MTA3: variants seen among roughly 807,000 people sequenced by gnomAD.
The protein encoded by MTA3 is metastasis-associated protein MTA3.
In MTA3, 34 loss-of-function variants were observed where a neutral mutation model predicts 83.5. The observed-to-expected ratio is 0.41, with a 90% CI of 0.31 to 0.54. The LOEUF is 0.54. Ranked by LOEUF, MTA3 falls within the 20% of genes least tolerant of loss-of-function variation. The pLI is 0.33. For missense variants in MTA3, 761 were observed against 726.4 expected, an observed-to-expected ratio of 1.05 and a Z score of -0.55; for synonymous variants, 303 against 252.7, an observed-to-expected ratio of 1.20 and a Z score of -1.89.
chr2:42,631,690 A>G (rs1686689589), intron 4 of MTA3, among the ~76,000 whole-genome samples: 1 of 152,048 alleles, frequency 6.6e-6, no homozygotes, highest in African/African-American at 2.4e-5. Flanking sequence ...TTGTATTATT[A>G]TTTTATTATT....
intron 2 of MTA3, among the ~76,000 whole-genome samples, chr2:42,549,176 A>AATAT (rs1339401021): frequency 7.2e-6 from 1 of 138,076 alleles, no homozygotes; most frequent in Admixed American, 8.6e-5. Context: ...TCCATCTTAA[A>AATAT]ATATATATAT....
At chr2:42,600,166 C>G (rs1171228177) in intron 3 of MTA3, among the ~76,000 whole-genome samples, 4 of 152,050 alleles carry the variant, frequency 2.6e-5, no homozygotes, top group Non-Finnish European at 4.4e-5. Context: ...CCACTGCACT[C>G]CAGCCTGGGC....
rs576316531 is a variant in MTA3 at position 42,616,859 on chromosome 2, A to AC, written c.317+7276dup. ...CTTGGCCTCCCAAAGTGTTGGGATT[A>AC]CAGGCGTGAGCCATCGTGCCTAGCT... On this transcript the variant is annotated intron_variant, in intron 4 of 16. Coordinates refer to ENST00000405094, the MANE Select transcript of MTA3 (RefSeq NM_001330442.2). Among the ~76,000 whole-genome samples, 87 of 152,282 alleles carry AC rather than the reference A, an allele frequency of 5.7e-4. No individual in the cohort carries two copies. In the Middle Eastern group the frequency reaches 0.01, roughly 18 times the overall value.
intron 4 of MTA3, among the ~76,000 whole-genome samples, chr2:42,630,108 C>T (rs1686529963): frequency 6.6e-6 from 1 of 152,164 alleles, no homozygotes; most frequent in Non-Finnish European, 1.5e-5. Context: ...AAATAAAAGC[C>T]TTATGATTCT....
chr2:42,653,718 C>G (rs1162216803), intron 6 of MTA3, among the ~76,000 whole-genome samples: 5 of 152,164 alleles, frequency 3.3e-5, no homozygotes, highest in Non-Finnish European at 7.3e-5. Context: ...AGTCTTACTT[C>G]TGCTATATGC....
chr2:42,663,172 A>G (rs1689891080), intron 8 of MTA3, among the ~76,000 whole-genome samples: 1 of 152,174 alleles, frequency 6.6e-6, no homozygotes, highest in Non-Finnish European at 1.5e-5. Context: ...TTCTCAGATT[A>G]TAACTGGGGA....
chr2:42,585,663 C>T (rs1005820753), intron 3 of MTA3, among the ~76,000 whole-genome samples: 1 of 151,334 alleles, frequency 6.6e-6, no homozygotes, highest in African/African-American at 2.4e-5. Flanking sequence ...TTATAGAGAC[C>T]GGGTTTCACC....
At chr2:42,538,875 C>T (rs1195244563) in intron 2 of MTA3, among the ~76,000 whole-genome samples, 1 of 148,924 alleles carries the variant, frequency 6.7e-6, no homozygotes, top group Non-Finnish European at 1.5e-5. Flanking sequence ...CCCGGGTTCA[C>T]GCCATTCTCC....
At chr2:42,672,896 G>T (rs1232121411) in intron 8 of MTA3, among the ~76,000 whole-genome samples, 3 of 147,442 alleles carry the variant, frequency 2.0e-5, no homozygotes, top group African/African-American at 5.0e-5. Flanking sequence ...ACCCAGGCTG[G>T]AGTGCAATGG....
Position 42,496,027 on chromosome 2 carries a change from G to A in MTA3, c.-141+773G>A, listed in dbSNP as rs72986072. On this transcript the variant is annotated intron_variant, in intron 2 of 17. Coordinates refer to the MTA3 transcript ENST00000405592. ...GGAAGCCGTTAAAAAATACTTTCTA[G>A]AAGCATCACAAGCAATAGAAGACAG... Among the ~76,000 whole-genome samples, 563 of 152,298 alleles carry A rather than the reference G, an allele frequency of 3.7e-3. 5 individuals are homozygous for A. The highest frequency in any genetic ancestry group is 0.013 in the African/African-American group (532 of 41,560).
chr2:42,671,694 A>AGT (rs2104408013), intron 8 of MTA3, among the ~76,000 whole-genome samples: 1 of 152,228 alleles, frequency 6.6e-6, no homozygotes, highest in East Asian at 1.9e-4. Context: ...TTAACTTGTG[A>AGT]GTTAATTTAG....
At chr2:42,517,395 A>T (rs1046344822) in intron 2 of MTA3, among the ~76,000 whole-genome samples, 2 of 151,930 alleles carry the variant, frequency 1.3e-5, no homozygotes, top group African/African-American at 4.8e-5. Context: ...AACATGGTGA[A>T]ACCTCATCTC....
chr2:42,729,401 C>T (rs1374372920), intron 16 of MTA3, among the ~76,000 whole-genome samples: 1 of 151,990 alleles, frequency 6.6e-6, no homozygotes, highest in African/African-American at 2.4e-5. Context: ...GCGCCCAGCC[C>T]AGAGTTTGAG....
chr2:42,698,765 G>A (rs549108589), intron 11 of MTA3, among the ~76,000 whole-genome samples: 260 of 152,222 alleles, frequency 1.7e-3, no homozygotes, highest in African/African-American at 6.1e-3. Flanking sequence ...CATAGACAAT[G>A]AGTTCTGATC....
chr2:42,695,808 T>C lies in MTA3; in HGVS notation c.935T>C (p.Met312Thr). Residue 312 changes from methionine (M) to threonine (T), a missense_variant, in exon 10 of 17, where the codon ATG (methionine) becomes ACG (threonine). Transcript: ENST00000405094. ...ACTAGCATCATTGAATATTATTACA[T>C]GTGGAAAACTACTGACAGATATGTG... ...SLTSIIEYYY[M>T]WKTTDRYVQQ... The C allele has an allele frequency of 6.3e-7, 1 of 1,588,594 alleles. No homozygotes were observed. Among genetic ancestry groups the C allele is most frequent in the Non-Finnish European group, 8.6e-7 (1 of 1,167,596 alleles).
Position 42,708,890 on chromosome 2 carries a change from G to A in MTA3, c.1319G>A (p.Ser440Asn). The A allele has an allele frequency of 6.2e-7, 1 of 1,613,986 alleles. No homozygotes were observed. ...SPTTEDPRVR[S>N]HVSRQAMQGM... ...ATTTTGCAGGACCCTCGTGTTAGAA[G>A]TCACGTGTCCCGCCAGGCCATGCAG... Residue 440 changes from serine (S) to asparagine (N), a missense_variant, in exon 14 of 17, where the codon AGT becomes AAT. Physicochemically the swap from Ser to Asn is conservative, Grantham distance 46. Coordinates refer to ENST00000405094, the MANE Select transcript of MTA3 (RefSeq NM_001330442.2).
intron 5 of MTA3, among the ~76,000 whole-genome samples, chr2:42,641,938 C>A (rs895491804): frequency 1.3e-5 from 2 of 151,900 alleles, no homozygotes; most frequent in African/African-American, 4.8e-5. Context: ...GTTCACTATT[C>A]AGGTGATGGG....
Position 42,555,025 on chromosome 2 carries a change from C to G in MTA3, c.-140-15412C>G, listed in dbSNP as rs905924403. ...AAAATTAGCTGGGCATGGTGGCAGG[C>G]ACCTGTAATCCTAGCTACTCGGTAG... On this transcript the variant is annotated intron_variant, in intron 2 of 17. Transcript: ENST00000405592. Among the ~76,000 whole-genome samples, 53 of 152,002 alleles carry G rather than the reference C, an allele frequency of 3.5e-4. 1 individual carries two copies. Among genetic ancestry groups the G allele is most frequent in the Non-Finnish European group, 2.9e-5 (2 of 68,000 alleles).
chr2:42,569,534 C>G (rs1439710326), intron 1 of MTA3: 1 of 152,210 alleles, frequency 6.6e-6, no homozygotes, highest in East Asian at 1.9e-4. Context: ...GAGACTGGCT[C>G]TTCCTTCTCT....
Sources: allele counts gnomAD v4.1 joint callset (sites outside exome capture counted in the v4.1 genomes callset), GRCh38; gene constraint gnomAD v4.1.1; transcripts MANE v1.5; gene names NCBI Gene and HGNC (gene_info 2026-07-23, HGNC 2026-07-21).